Variants in LAMA2 observed in about 807,000 individuals in gnomAD.
LAMA2 encodes the protein laminin subunit alpha 2.
A neutral mutation model predicts 364.8 loss-of-function variants in LAMA2; 269 were observed. The ratio of observed to expected loss-of-function variants is 0.74; its 90% confidence interval spans 0.67 to 0.82. The LOEUF (loss-of-function observed/expected upper bound fraction) is 0.82, where lower values mean the gene tolerates loss of function less well. LAMA2 is among the 40% of genes least tolerant of loss of function. The pLI is 0.00. For synonymous variants in LAMA2, 1,379 were observed against 1,370.6 expected, an observed-to-expected ratio of 1.01 and a Z score of -0.14; for missense variants, 3,807 against 3,873.2, an observed-to-expected ratio of 0.98 and a Z score of 0.45.
intron 17 of LAMA2, among the ~76,000 whole-genome samples, chr6:129,273,533 A>G (rs1297488524): frequency 1.3e-5 from 2 of 152,170 alleles, no homozygotes; most frequent in Non-Finnish European, 2.9e-5. Context: ...CAACATTACT[A>G]TAAATGCAGA....
intron 1 of LAMA2, among the ~76,000 whole-genome samples, chr6:128,970,761 G>A (rs191816480): frequency 6.6e-6 from 1 of 152,276 alleles, no homozygotes; most frequent in Non-Finnish European, 1.5e-5. Context: ...CCATCACTAA[G>A]TCGATCATTG....
At chr6:129,070,554 T>C (rs530718450) in intron 3 of LAMA2, among the ~76,000 whole-genome samples, 1 of 142,130 alleles carries the variant, frequency 7.0e-6, no homozygotes, top group South Asian at 2.1e-4. Context: ...TTCTTTACTC[T>C]TCTGTTGTTG....
chr6:129,233,794 C>A (rs1784818289), intron 12 of LAMA2, among the ~76,000 whole-genome samples: 1 of 152,120 alleles, frequency 6.6e-6, no homozygotes, highest in African/African-American at 2.4e-5. Flanking sequence ...TTGGAGAAAG[C>A]AATGGGATAA....
intron 4 of LAMA2, among the ~76,000 whole-genome samples, chr6:129,136,982 A>G (rs765196566): frequency 6.6e-6 from 1 of 152,122 alleles, no homozygotes; most frequent in Non-Finnish European, 1.5e-5. Flanking sequence ...CTGTGGTCAC[A>G]GTGTTAGGTA....
intron 62 of LAMA2, among the ~76,000 whole-genome samples, chr6:129,511,298 G>A (rs933986820): frequency 1.3e-4 from 19 of 151,892 alleles, no homozygotes; most frequent in Admixed American, 3.9e-4. Flanking sequence ...GTCCTCAGCC[G>A]AACTTCCTCA....
intron 29 of LAMA2, among the ~76,000 whole-genome samples, chr6:129,342,069 A>G (rs1309812903): frequency 6.6e-6 from 1 of 152,252 alleles, no homozygotes; most frequent in Non-Finnish European, 1.5e-5. Context: ...AAAAATTTAC[A>G]TAGAGATTGA....
chr6:129,255,406 A>T (rs966409885), intron 14 of LAMA2, among the ~76,000 whole-genome samples: 2 of 47,164 alleles, frequency 4.2e-5, no homozygotes, highest in Non-Finnish European at 3.7e-5. Context: ...ACTCTGTCTC[A>T]AAAAAAAAAA....
At chr6:129,005,078 T>A (rs1429150065) in intron 1 of LAMA2, among the ~76,000 whole-genome samples, 4 of 152,108 alleles carry the variant, frequency 2.6e-5, no homozygotes, top group Admixed American at 6.5e-5. Context: ...CTTACTCTAA[T>A]GTGTTTTATT....
At chr6:129,455,355 C>T (rs146993447) in intron 47 of LAMA2, among the ~76,000 whole-genome samples, 124 of 152,174 alleles carry the variant, frequency 8.1e-4, no homozygotes, top group African/African-American at 2.9e-3. Context: ...AGAGTGCTTG[C>T]GTGTTTGGTG....
intron 37 of LAMA2, among the ~76,000 whole-genome samples, chr6:129,399,915 G>T (rs1049081211): frequency 3.3e-5 from 5 of 152,094 alleles, no homozygotes; most frequent in Non-Finnish European, 4.4e-5. Context: ...AAGTAGACAG[G>T]GGTTTAAATC....
chr6:129,397,945 A>G (rs1322304217), intron 37 of LAMA2, among the ~76,000 whole-genome samples: 1 of 58,238 alleles, frequency 1.7e-5, no homozygotes, highest in Non-Finnish European at 5.2e-5. Flanking sequence ...TCAGAAAAAA[A>G]AAAAAAAAAA....
intron 1 of LAMA2, among the ~76,000 whole-genome samples, chr6:129,039,654 C>G (rs767138122): frequency 2.0e-5 from 3 of 152,186 alleles, no homozygotes. Context: ...TTGTGGAAGA[C>G]AATTTTTCCA....
intron 12 of LAMA2, among the ~76,000 whole-genome samples, chr6:129,238,888 G>T (rs1043561631): frequency 6.6e-6 from 1 of 151,852 alleles, no homozygotes. Flanking sequence ...TATTTTTTGA[G>T]ATCTACCTTT....
chr6:129,312,804 T>G, intron 22 of LAMA2, 57 bp from the exon 23 acceptor site: 1 of 1,198,502 alleles, frequency 8.3e-7, no homozygotes, highest in South Asian at 1.2e-5. Flanking sequence ...GAATTAAAAT[T>G]TTAAGATATT....
chr6:129,492,404 C>T lies in LAMA2; in HGVS notation c.8165C>T (p.Ala2722Val). ...HQKLREDEDGAAPAEIVIQPE... is the reference protein window; with the variant it reads ...HQKLREDEDGVAPAEIVIQPE... ...AAACTCCGTGAAGATGAAGATGGAG[C>T]AGCTCCAGCTGAAATAGTTATCCAG... The change falls in exon 58 of 65, where the codon GCA becomes GTA. Residue 2722 changes from alanine (A) to valine (V), a missense_variant. Ala to Val is a moderately conservative substitution (Grantham distance 64). Transcript: ENST00000421865. 1 of 1,614,110 alleles carries T rather than the reference C, an allele frequency of 6.2e-7. No individual in the cohort carries two copies. The highest frequency in any genetic ancestry group is 8.5e-7 in the Non-Finnish European group (1 of 1,179,954).
At chr6:129,005,484 A>G (rs1252771068) in intron 1 of LAMA2, among the ~76,000 whole-genome samples, 1 of 151,970 alleles carries the variant, frequency 6.6e-6, no homozygotes, top group African/African-American at 2.4e-5. Context: ...ATATCTTGAT[A>G]CTTGTATTTT....
chr6:128,955,002 A>G (rs1261733042), intron 1 of LAMA2, among the ~76,000 whole-genome samples: 7 of 151,832 alleles, frequency 4.6e-5, no homozygotes, highest in Admixed American at 6.6e-5. Flanking sequence ...AATAATAAGA[A>G]TCACTCCTCA....
chr6:129,414,202 A>G (rs761490347), intron 40 of LAMA2, among the ~76,000 whole-genome samples: 1 of 152,130 alleles, frequency 6.6e-6, no homozygotes, highest in Non-Finnish European at 1.5e-5. Context: ...TATAACCGTT[A>G]AATAAATTGC....
intron 36 of LAMA2, 139 bp downstream of exon 36, chr6:129,391,792 C>G: frequency 1.5e-6 from 1 of 681,616 alleles, no homozygotes; most frequent in Non-Finnish European, 2.6e-6. Flanking sequence ...TGTTATCTAT[C>G]ATCTATCTAT....
Sources: allele counts gnomAD v4.1 joint callset (sites outside exome capture counted in the v4.1 genomes callset), GRCh38; gene constraint gnomAD v4.1.1; transcripts MANE v1.5; gene names NCBI Gene and HGNC (gene_info 2026-07-23, HGNC 2026-07-21).